Variants in PARD3 observed in about 807,000 individuals in gnomAD.
PARD3 encodes the protein partitioning defective 3 homolog.
PARD3 carries 75 observed loss-of-function variants against 155.4 expected under a neutral mutation model. The observed-to-expected ratio is 0.48, with a 90% CI of 0.40 to 0.58. The LOEUF is 0.58. Ranked by LOEUF, PARD3 falls within the 20% of genes least tolerant of loss-of-function variation. The pLI, the probability that PARD3 is intolerant of heterozygous loss-of-function variation, is 0.00. For missense variants in PARD3, 1,642 were observed against 1,721.7 expected, an observed-to-expected ratio of 0.95 and a Z score of 0.82; for synonymous variants, 576 against 610.5, an observed-to-expected ratio of 0.94 and a Z score of 0.83.
Position 34,155,022 on chromosome 10 carries a change from A to C in PARD3, c.3420-23439T>G, listed in dbSNP as rs982749384. Among the ~76,000 whole-genome samples, 20 of 152,224 alleles carry C rather than the reference A, an allele frequency of 1.3e-4. 1 individual carries two copies. The highest frequency in any genetic ancestry group is 9.8e-4 in the Admixed American group (15 of 15,280). On this transcript the variant is annotated intron_variant, in intron 22 of 24. Coordinates refer to ENST00000374788, the MANE Select transcript of PARD3 (RefSeq NM_001184785.2). ...TAATAGACAAGACATTAAGTGATAA[A>C]GTTAGTGTATGATTTTGGGGAAAAT...
intron 14 of PARD3, among the ~76,000 whole-genome samples, chr10:34,358,737 G>C (rs1228245211): frequency 6.6e-6 from 1 of 152,180 alleles, no homozygotes; most frequent in East Asian, 1.9e-4. Flanking sequence ...TTCCCTACTA[G>C]GGGCTTTGTA....
intron 1 of PARD3, among the ~76,000 whole-genome samples, chr10:34,714,402 T>C (rs2094488434): frequency 6.6e-6 from 1 of 152,220 alleles, no homozygotes; most frequent in Admixed American, 6.5e-5. Context: ...TTTGGAGCTA[T>C]GGACAAACAG....
intron 1 of PARD3, among the ~76,000 whole-genome samples, chr10:34,796,971 C>T (rs1037263555): frequency 3.3e-5 from 5 of 152,068 alleles, no homozygotes; most frequent in Non-Finnish European, 5.9e-5. Flanking sequence ...GATGGCAGGG[C>T]GAGATTCCAT....
chr10:34,462,250 T>C (rs2077698455), intron 4 of PARD3, among the ~76,000 whole-genome samples: 1 of 152,322 alleles, frequency 6.6e-6, no homozygotes, highest in Middle Eastern at 3.4e-3. Flanking sequence ...ACAGAGGACA[T>C]GTGATTCTAA....
At chr10:34,500,878 AGAAT>A (rs1365310755) in intron 3 of PARD3, among the ~76,000 whole-genome samples, 5 of 152,348 alleles carry the variant, frequency 3.3e-5, no homozygotes, top group South Asian at 2.1e-4. Context: ...TACCAGTGAA[AGAAT>A]GAAACTTCCT....
intron 22 of PARD3, among the ~76,000 whole-genome samples, chr10:34,189,199 G>T (rs1396775936): frequency 1.3e-5 from 2 of 151,908 alleles, no homozygotes; most frequent in African/African-American, 4.8e-5. Context: ...TAAATAACCT[G>T]GGCATGGTCC....
At chr10:34,530,605 G>A (rs2082780513) in intron 2 of PARD3, among the ~76,000 whole-genome samples, 1 of 152,060 alleles carries the variant, frequency 6.6e-6, no homozygotes, top group African/African-American at 2.4e-5. Flanking sequence ...TTCCTTAACT[G>A]GCTTTGTTGT....
chr10:34,418,552 T>A (rs1319905016), intron 5 of PARD3, among the ~76,000 whole-genome samples: 1 of 152,234 alleles, frequency 6.6e-6, no homozygotes, highest in South Asian at 2.1e-4. Flanking sequence ...CTTAATCTTT[T>A]ATCTCACAAA....
At chr10:34,185,141 G>A (rs1317377761) in intron 22 of PARD3, among the ~76,000 whole-genome samples, 2 of 152,106 alleles carry the variant, frequency 1.3e-5, no homozygotes, top group African/African-American at 4.8e-5. Context: ...CTAGACCCCT[G>A]GTTTATTTTG....
At chr10:34,599,196 C>A (rs966750155) in intron 2 of PARD3, among the ~76,000 whole-genome samples, 2 of 152,144 alleles carry the variant, frequency 1.3e-5, no homozygotes, top group Non-Finnish European at 2.9e-5. Flanking sequence ...TAACTCTTAG[C>A]GTAAGTATGG....
At chr10:34,744,660 G>A (rs889083560) in intron 1 of PARD3, among the ~76,000 whole-genome samples, 2 of 152,238 alleles carry the variant, frequency 1.3e-5, no homozygotes, top group African/African-American at 4.8e-5. Flanking sequence ...TGGAACAGAG[G>A]TGAGACTACA....
intron 1 of PARD3, among the ~76,000 whole-genome samples, chr10:34,769,280 T>C (rs1838529182): frequency 6.6e-6 from 1 of 152,172 alleles, no homozygotes; most frequent in African/African-American, 2.4e-5. Context: ...ACCAACACCC[T>C]GACCGAATCA....
chr10:34,805,885 G>C (rs1483591837), intron 1 of PARD3, among the ~76,000 whole-genome samples: 1 of 151,950 alleles, frequency 6.6e-6, no homozygotes, highest in East Asian at 2.0e-4. Flanking sequence ...GCTGAGGCAG[G>C]AGAATGGCGT....
intron 22 of PARD3, among the ~76,000 whole-genome samples, chr10:34,143,529 T>C (rs965698359): frequency 3.9e-5 from 6 of 152,226 alleles, no homozygotes; most frequent in Non-Finnish European, 5.9e-5. Flanking sequence ...ATTTTCTTTG[T>C]TTTTGCTTTC....
At chr10:34,751,505 C>T (rs1836026006) in intron 1 of PARD3, among the ~76,000 whole-genome samples, 1 of 152,196 alleles carries the variant, frequency 6.6e-6, no homozygotes, top group African/African-American at 2.4e-5. Context: ...TTGTCCTACA[C>T]ATCCCTTCAG....
At chr10:34,451,802 AAGG>A (rs906870287) in intron 4 of PARD3, among the ~76,000 whole-genome samples, 3 of 150,392 alleles carry the variant, frequency 2.0e-5, no homozygotes, top group African/African-American at 4.9e-5. Flanking sequence ...TAGAAATGGT[AAGG>A]AGAAGACATG....
intron 12 of PARD3, among the ~76,000 whole-genome samples, chr10:34,363,908 AC>A (rs1282305922): frequency 6.6e-6 from 1 of 152,174 alleles, no homozygotes; most frequent in Non-Finnish European, 1.5e-5. Flanking sequence ...ATAAAAGGGC[AC>A]CTTTGCTAAG....
intron 3 of PARD3, among the ~76,000 whole-genome samples, chr10:34,505,154 G>A (rs1345552410): frequency 6.6e-6 from 1 of 152,172 alleles, no homozygotes; most frequent in Admixed American, 6.5e-5. Flanking sequence ...ATTTGGAAAT[G>A]GGATTTCTTG....
intron 1 of PARD3, among the ~76,000 whole-genome samples, chr10:34,760,876 A>C (rs1837359580): frequency 6.6e-6 from 1 of 152,184 alleles, no homozygotes; most frequent in Non-Finnish European, 1.5e-5. Flanking sequence ...TCCAACTAAC[A>C]CACACCTCAA....
Sources: gnomAD v4.1 joint callset for allele counts (sites outside exome capture counted in the v4.1 genomes callset) on GRCh38, gnomAD v4.1.1 for gene constraint, MANE v1.5 for transcripts, NCBI Gene and HGNC (gene_info 2026-07-23, HGNC 2026-07-21) for gene names.